The following ZNF677 variants were observed in gnomAD, a reference collection of about 807,000 sequenced individuals.
ZNF677 encodes the protein hypothetical protein MGC48625.
Under a neutral mutation model 8.1 loss-of-function variants are expected in ZNF677, and 5 were observed. The observed-to-expected ratio is 0.62, with a 90% CI of 0.32 to 1.29. The LOEUF (loss-of-function observed/expected upper bound fraction) is 1.29, where lower values mean the gene tolerates loss of function less well. Among genes scored for constraint, ZNF677 ranks in the 50% most tolerant of loss-of-function variants. The pLI is 0.05. For missense variants in ZNF677, 685 were observed against 685.9 expected, an observed-to-expected ratio of 1.00 and a Z score of 0.01; for synonymous variants, 221 against 225.6, an observed-to-expected ratio of 0.98 and a Z score of 0.18.
Position 53,236,965 on chromosome 19 carries a change from CCT to C in ZNF677, c.*5_*6del, listed in dbSNP as rs2090977108. 5.9e-6 allele frequency: 9 copies of C among 1,528,018 alleles called. No individual in the cohort carries two copies. Among genetic ancestry groups the C allele is most frequent in the African/African-American group, 2.8e-5 (2 of 71,862 alleles). 94.7% of individuals were successfully genotyped at this position (1,528,018 alleles called of 1,614,324 possible). ...TATGGTTTCTTTTCACAATGGAGCC[CCT>C]GATGCTAGGTACAGCTTGAATACTT... On this transcript the variant is annotated 3_prime_UTR_variant, in exon 5 of 5. Transcript: ENST00000598513.
At chr19:53,246,317 C>CAAAAAGAAA (rs2091139099) in intron 3 of ZNF677, among the ~76,000 whole-genome samples, 1 of 122,174 alleles carries the variant, frequency 8.2e-6, no homozygotes, top group Non-Finnish European at 1.6e-5. Context: ...GACTCCGTCC[C>CAAAAAGAAA]AAAAAAAAAG....
At chr19:53,251,934 G>A (rs747810418) in intron 2 of ZNF677, among the ~76,000 whole-genome samples, 1 of 152,154 alleles carries the variant, frequency 6.6e-6, no homozygotes, top group Non-Finnish European at 1.5e-5. Flanking sequence ...GTCAATGCAG[G>A]ATATAAAAGC....
chr19:53,235,605 T>C lies in ZNF677; in HGVS notation c.*1367A>G, dbSNP rs2090966445. The C allele has an allele frequency of 6.6e-6, 1 of 152,152 alleles. No homozygotes were observed. The highest frequency in any genetic ancestry group is 1.5e-5 in the Non-Finnish European group (1 of 68,026). The allele number at this position is 152,152 out of a possible 1,614,324, so 9.4% of individuals were successfully genotyped here. ...TTCAATAATCTGTGATATGCAACAG[T>C]AACTACCTTTCAAGAGAGGGTGACT... On this transcript the variant is annotated 3_prime_UTR_variant, in exon 5 of 5. Transcript: ENST00000598513.
rs569740348 is a variant in ZNF677, at chr19:53,247,233, G to A, written c.16-3336C>T. ...TGCACTAGACAAGAGTGCAGATTCC[G>A]TTTTTGCTGGGTGCAGTTTTCTTTC... On this transcript the variant is annotated intron_variant, in intron 3 of 4. Transcript: ENST00000598513. Among the ~76,000 whole-genome samples the A allele has an allele frequency of 7.2e-5, 11 of 152,218 alleles. No homozygotes were observed. The East Asian group carries it at 1.5e-3, about 21-fold the overall frequency.
intron 4 of ZNF677, chr19:53,243,151 GACCT>G (rs1490347759): frequency 6.5e-6 from 1 of 152,954 alleles, no homozygotes; most frequent in Non-Finnish European, 1.5e-5. Flanking sequence ...CTCACATTCC[GACCT>G]ACCTGATTTT....
At position 53,243,772 on chromosome 19, in the gene ZNF677, G is replaced by T; in HGVS notation, c.141C>A (p.Leu47=). ...CTTCTGGAGGGATGTTATCCTCATC[G>T]AGAGAAAGCAGGTTCCTGTAGTTCT... ...MLENYRNLLS[L]DEDNIPPEDD... Residue 47 remains leucine (L), a synonymous_variant, in exon 4 of 5, where the codon CTC becomes CTA. Coordinates refer to ENST00000598513, the MANE Select transcript of ZNF677 (RefSeq NM_182609.4). 5 of 1,614,122 alleles carry T rather than the reference G, an allele frequency of 3.1e-6. No individual in the cohort carries two copies. Among genetic ancestry groups the T allele is most frequent in the Non-Finnish European group, 4.2e-6 (5 of 1,180,012 alleles).
Position 53,237,159 on chromosome 19 carries a change from G to C in ZNF677, c.1568C>G (p.Ala523Gly), listed in dbSNP as rs1288535930. ...KPYKCTECGKAFTQFANLTRH... is the reference protein window; with the variant it reads ...KPYKCTECGKGFTQFANLTRH... ...AGTGAGGTTTGCAAATTGGGTAAAA[G>C]CTTTGCCACATTCAGTACATTTGTA... Residue 523 changes from alanine to glycine, a missense_variant, in exon 5 of 5, where the codon GCT becomes GGT. Ala to Gly is a moderately conservative substitution (Grantham distance 60). Transcript: ENST00000598513. 6.2e-7 allele frequency: 1 copy of C among 1,612,732 alleles called. No homozygotes were observed. Among genetic ancestry groups the C allele is most frequent in the Admixed American group, 1.7e-5 (1 of 59,880 alleles).
Position 53,237,684 on chromosome 19 carries a change from T to C in ZNF677, c.1043A>G (p.Lys348Arg). ...QRMHTGEKPY[K>R]CNECGKAFIQ... Reference sequence around the variant, plus strand: ...AAATGCCTTACCACATTCATTACATTTGTAAGGTTTCTCTCCAGTATGCAT... The same window carrying C: ...AAATGCCTTACCACATTCATTACATCTGTAAGGTTTCTCTCCAGTATGCAT... The change falls in exon 5 of 5, where the codon AAA becomes AGA. Residue 348 changes from lysine to arginine, a missense_variant. Transcript: ENST00000598513. 6.2e-7 allele frequency: 1 copy of C among 1,613,170 alleles called. No individual in the cohort carries two copies. The highest frequency in any genetic ancestry group is 8.5e-7 in the Non-Finnish European group (1 of 1,179,602).
chr19:53,242,695 T>G (rs936007495), intron 4 of ZNF677: 1 of 324,968 alleles, frequency 3.1e-6, no homozygotes, highest in African/African-American at 2.1e-5. Context: ...GAAAAGTTCT[T>G]GCAGGTATAA....
At chr19:53,245,842 T>C (rs570902074) in intron 3 of ZNF677, among the ~76,000 whole-genome samples, 1 of 151,908 alleles carries the variant, frequency 6.6e-6, no homozygotes, top group Admixed American at 6.6e-5. Context: ...TGAAACCTCA[T>C]CTCTATTAAA....
Position 53,236,549 on chromosome 19 carries a change from T to C in ZNF677, c.*423A>G, listed in dbSNP as rs891844602. The C allele has an allele frequency of 1.3e-5, 2 of 154,266 alleles. No homozygotes were observed. Among genetic ancestry groups the C allele is most frequent in the African/African-American group, 4.8e-5 (2 of 41,480 alleles). 9.6% of individuals were successfully genotyped at this position (154,266 alleles called of 1,614,324 possible). ...ACTTAGTTCCCTCTAGCCTGAATTT[T>C]TGTATGACAAAATGCTTGCATATAA... On this transcript the variant is annotated 3_prime_UTR_variant, in exon 5 of 5. Transcript: ENST00000598513.
At chr19:53,245,604 A>G (rs2091123494) in intron 3 of ZNF677, among the ~76,000 whole-genome samples, 2 of 152,186 alleles carry the variant, frequency 1.3e-5, no homozygotes, top group African/African-American at 2.4e-5. Context: ...GATGACCACT[A>G]AAGAAAAAAA....
intron 3 of ZNF677, among the ~76,000 whole-genome samples, chr19:53,246,240 C>T (rs563249358): frequency 5.0e-4 from 74 of 147,918 alleles, no homozygotes; most frequent in African/African-American, 1.8e-3. Context: ...ATGGCGGGAA[C>T]CCAGGAGGCG....
Position 53,243,786 on chromosome 19 carries a change from T to TCCTGTAGTTCTCCAACATCACGTC in ZNF677, c.103_126dup (p.Asp35_Arg42dup). 2 of 1,614,160 alleles carry TCCTGTAGTTCTCCAACATCACGTC rather than the reference T, an allele frequency of 1.2e-6. No individual in the cohort carries two copies. Among genetic ancestry groups the TCCTGTAGTTCTCCAACATCACGTC allele is most frequent in the South Asian group, 2.2e-5 (2 of 91,086 alleles). On this transcript the variant is annotated inframe_insertion, in exon 4 of 5. Transcript: ENST00000598513. ...TTATCCTCATCGAGAGAAAGCAGGTTCCTGTAGTTCTCCAACATCACGTCC... is the reference window on the plus strand; with the variant it reads ...TTATCCTCATCGAGAGAAAGCAGGTTCCTGTAGTTCTCCAACATCACGTCCCTGTAGTTCTCCAACATCACGTCC...
chr19:53,240,449 T>C (rs770719381), intron 4 of ZNF677: 1 of 152,142 alleles, frequency 6.6e-6, no homozygotes, highest in African/African-American at 2.4e-5. Flanking sequence ...GGTTTCACCA[T>C]GTTAGCCAGG....
chr19:53,250,095 C>T (rs192043059), intron 3 of ZNF677, among the ~76,000 whole-genome samples: 359 of 152,228 alleles, frequency 2.4e-3, no homozygotes, highest in African/African-American at 8.4e-3. Flanking sequence ...TGGTCTCGAA[C>T]TCCTGACCTC....
intron 3 of ZNF677, among the ~76,000 whole-genome samples, chr19:53,246,487 TACACACACACACACACACACAC>T (rs60644090): frequency 2.1e-5 from 3 of 140,266 alleles, no homozygotes; most frequent in Non-Finnish European, 4.6e-5. Context: ...AAAGAAAATG[TACACACACACACACACACACAC>T]ACACACACAC....
At chr19:53,241,509 T>C (rs2031151313) in intron 4 of ZNF677, 1 of 259,006 alleles carries the variant, frequency 3.9e-6, no homozygotes, top group South Asian at 1.7e-4. Flanking sequence ...GGTCAACATG[T>C]TCGCAGATAT....
intron 2 of ZNF677, among the ~76,000 whole-genome samples, chr19:53,252,575 G>A (rs1007120827): frequency 6.6e-6 from 1 of 152,086 alleles, no homozygotes; most frequent in African/African-American, 2.4e-5. Flanking sequence ...CTCTTTTCCA[G>A]AAAAATATTC....
Sources: gnomAD v4.1 joint callset for allele counts (sites outside exome capture counted in the v4.1 genomes callset) on GRCh38, gnomAD v4.1.1 for gene constraint, MANE v1.5 for transcripts, NCBI Gene and HGNC (gene_info 2026-07-23, HGNC 2026-07-21) for gene names.